Variants in PDS5A observed in about 807,000 individuals in gnomAD.
PDS5A encodes sister chromatid cohesion protein PDS5 homolog A.
In PDS5A, 42 loss-of-function variants were observed where a neutral mutation model predicts 167.1. That is an observed-to-expected ratio of 0.25 (90% CI 0.20 to 0.33). PDS5A has a LOEUF of 0.33. Among genes scored for constraint, PDS5A ranks in the 10% least tolerant of loss-of-function variants. The probability of loss-of-function intolerance (pLI) is 1.00; values close to 1 mark genes in which losing one functional copy is unlikely to be tolerated. For synonymous variants in PDS5A, 553 were observed against 554.6 expected, an observed-to-expected ratio of 1.00 and a Z score of 0.04; for missense variants, 1,033 against 1,605.9, an observed-to-expected ratio of 0.64 and a Z score of 6.10.
At chr4:39,863,504 T>C (rs771363668) in intron 23 of PDS5A, 45 bp from the exon 24 acceptor site, 40 of 1,437,056 alleles carry the variant, frequency 2.8e-5, no homozygotes, top group Non-Finnish European at 3.7e-5. Flanking sequence ...ATAACCACTA[T>C]CATTCATAAA....
At chr4:39,863,987 G>A (rs1429847678) in intron 23 of PDS5A, among the ~76,000 whole-genome samples, 1 of 151,938 alleles carries the variant, frequency 6.6e-6, no homozygotes, top group African/African-American at 2.4e-5. Context: ...AAAATTAGCT[G>A]GGTGTGGTGG....
At chr4:39,919,373 CGGT>C (rs1724702464) in intron 7 of PDS5A, among the ~76,000 whole-genome samples, 1 of 152,128 alleles carries the variant, frequency 6.6e-6, no homozygotes, top group Non-Finnish European at 1.5e-5. Flanking sequence ...TAGCCGGGTG[CGGT>C]GGCTCACGCC....
At chr4:39,844,482 A>C (rs1200401889) in intron 30 of PDS5A, among the ~76,000 whole-genome samples, 174 bp downstream of exon 30, 1 of 54,086 alleles carries the variant, frequency 1.8e-5, no homozygotes, top group Non-Finnish European at 5.9e-5. Context: ...TTGTCTCAAA[A>C]AAAAAAAAAA....
intron 31 of PDS5A, 134 bp from the exon 32 acceptor site, chr4:39,838,342 T>TAGGA: frequency 1.5e-6 from 1 of 654,786 alleles, no homozygotes; most frequent in Non-Finnish European, 2.6e-6. Flanking sequence ...TACATCACAT[T>TAGGA]AGGAAAGTAA....
chr4:39,944,711 A>C (rs1042028678), intron 2 of PDS5A, among the ~76,000 whole-genome samples: 5 of 151,516 alleles, frequency 3.3e-5, no homozygotes, highest in African/African-American at 7.3e-5. Flanking sequence ...AAAAAAAAAA[A>C]CAAAAAGCTG....
intron 16 of PDS5A, among the ~76,000 whole-genome samples, chr4:39,893,849 T>TA (rs1249675382): frequency 6.6e-6 from 1 of 152,226 alleles, no homozygotes; most frequent in African/African-American, 2.4e-5. Context: ...CTCATGCTCT[T>TA]ACCACTGCAA....
chr4:39,962,532 G>A (rs560387303), intron 2 of PDS5A, among the ~76,000 whole-genome samples: 1 of 152,124 alleles, frequency 6.6e-6, no homozygotes, highest in Admixed American at 6.6e-5. Flanking sequence ...CAGGTTGGGC[G>A]CAGTGGATCA....
chr4:39,880,422 CAAT>C (rs1166504180), intron 17 of PDS5A, among the ~76,000 whole-genome samples: 1 of 151,974 alleles, frequency 6.6e-6, no homozygotes. Context: ...ATTATCTGGT[CAAT>C]AAAAATCAGA....
At chr4:39,940,759 C>T (rs1560502669) in intron 2 of PDS5A, among the ~76,000 whole-genome samples, 1 of 152,230 alleles carries the variant, frequency 6.6e-6, no homozygotes, top group Admixed American at 6.5e-5. Flanking sequence ...CTCAAATGAT[C>T]CTCCCACTTC....
At chr4:39,849,450 A>AAAC in intron 27 of PDS5A, 70 bp downstream of exon 27, 1 of 1,139,614 alleles carries the variant, frequency 8.8e-7, no homozygotes, top group East Asian at 2.4e-5. Flanking sequence ...AAAAAAAAAA[A>AAAC]AAAAAACCAA....
chr4:39,888,241 CAAAAAAAAAAAA>C (rs34845975), intron 17 of PDS5A, among the ~76,000 whole-genome samples: 9 of 56,268 alleles, frequency 1.6e-4, no homozygotes, highest in African/African-American at 5.3e-4. Context: ...AAGACTCCGG[CAAAAAAAAAAAA>C]AAAAAAAAAA....
intron 8 of PDS5A, among the ~76,000 whole-genome samples, chr4:39,914,053 A>G (rs1384983675): frequency 6.6e-6 from 1 of 152,132 alleles, no homozygotes; most frequent in Admixed American, 6.6e-5. Flanking sequence ...AAAAACATCT[A>G]TGAAGGACAA....
intron 18 of PDS5A, among the ~76,000 whole-genome samples, chr4:39,878,040 A>G (rs1720612763): frequency 2.0e-5 from 3 of 152,218 alleles, no homozygotes. Context: ...ACTTTTAGCA[A>G]GTTAGATACA....
intron 2 of PDS5A, among the ~76,000 whole-genome samples, chr4:39,947,670 G>A (rs1458410075): frequency 2.0e-5 from 3 of 152,174 alleles, no homozygotes; most frequent in Non-Finnish European, 4.4e-5. Flanking sequence ...GTTTATGAAT[G>A]TGTGTTGGGC....
rs78278052 is a variant in PDS5A, at chr4:39,911,142, C to T, written c.993-804G>A. On this transcript the variant is annotated intron_variant, in intron 9 of 32. Transcript: ENST00000303538. ...GACCCTGTCTCAAAACAAAACAAGA[C>T]GAAAGGTTTATATGAGACAAACACT... Among the ~76,000 whole-genome samples, 706 of 152,090 alleles carry T rather than the reference C, an allele frequency of 4.6e-3. 8 individuals are homozygous for T. Among genetic ancestry groups the T allele is most frequent in the African/African-American group, 0.016 (663 of 41,488 alleles).
intron 16 of PDS5A, among the ~76,000 whole-genome samples, chr4:39,892,117 A>C (rs1480149709): frequency 6.6e-6 from 1 of 151,166 alleles, no homozygotes; most frequent in East Asian, 2.0e-4. Context: ...AAAAACAAAA[A>C]AAAGTTAACT....
intron 11 of PDS5A, among the ~76,000 whole-genome samples, chr4:39,908,167 T>C (rs376245286): frequency 6.6e-6 from 1 of 152,156 alleles, no homozygotes; most frequent in Non-Finnish European, 1.5e-5. Flanking sequence ...GAAGGTATGA[T>C]AGAAAAGAAA....
intron 32 of PDS5A, among the ~76,000 whole-genome samples, chr4:39,832,491 G>A (rs1315208947): frequency 4.6e-5 from 7 of 152,008 alleles, no homozygotes; most frequent in African/African-American, 1.7e-4. Context: ...ATAGGCATGA[G>A]CCACCGTTCC....
At chr4:39,885,528 T>G (rs1721369868) in intron 17 of PDS5A, among the ~76,000 whole-genome samples, 1 of 151,922 alleles carries the variant, frequency 6.6e-6, no homozygotes, top group African/African-American at 2.4e-5. Context: ...CGTTTGAGCC[T>G]ACACAACAGT....
Sources: allele counts gnomAD v4.1 joint callset (sites outside exome capture counted in the v4.1 genomes callset), GRCh38; gene constraint gnomAD v4.1.1; transcripts MANE v1.5; gene names NCBI Gene and HGNC (gene_info 2026-07-23, HGNC 2026-07-21).